Variants in SEMA3C observed in about 807,000 individuals in gnomAD.
SEMA3C encodes semaphorin 3C, also known as semaphorin-3C.
In SEMA3C, 47 loss-of-function variants were observed where a neutral mutation model predicts 89.4. The observed-to-expected ratio is 0.53, with a 90% confidence interval of 0.42 to 0.67. SEMA3C has a LOEUF of 0.67. Ranked by LOEUF, SEMA3C falls within the 30% of genes least tolerant of loss-of-function variation. SEMA3C has a pLI of 0.00. For synonymous variants in SEMA3C, 310 were observed against 320.2 expected, an observed-to-expected ratio of 0.97 and a Z score of 0.34; for missense variants, 839 against 929.1, an observed-to-expected ratio of 0.90 and a Z score of 1.26.
At chr7:80,873,897 C>G (rs1791133743) in intron 2 of SEMA3C, among the ~76,000 whole-genome samples, 2 of 152,076 alleles carry the variant, frequency 1.3e-5, no homozygotes, top group South Asian at 4.1e-4. Context: ...CCTCTCCTAG[C>G]CTTATTTGCA....
chr7:80,758,446 A>T lies in SEMA3C; in HGVS notation c.1528T>A (p.Ser510Thr). The change falls in exon 15 of 18, where the codon TCT becomes ACT. Residue 510 changes from serine to threonine, a missense_variant. By Grantham distance (58) the Ser-to-Thr change is moderately conservative. Transcript: ENST00000265361. The part of the protein sequence containing the change: ...VSSNEGVSQV[S>T]LHRCHIYGTA... ...CCATAGATGTGGCAGCGGTGCAGAG[A>T]TACCTGGGAAACCCCTTCATTGGAA... 3.7e-6 allele frequency: 6 copies of T among 1,614,082 alleles called. No homozygotes were observed. The highest frequency in any genetic ancestry group is 5.1e-6 in the Non-Finnish European group (6 of 1,179,982).
chr7:80,764,736 A>T (rs973752921), intron 13 of SEMA3C, among the ~76,000 whole-genome samples: 15 of 152,178 alleles, frequency 9.9e-5, no homozygotes, highest in Non-Finnish European at 2.2e-4. Context: ...TTTTTCTTGA[A>T]ATTACTGGCT....
intron 4 of SEMA3C, among the ~76,000 whole-genome samples, chr7:80,822,749 CA>C (rs1464511319): frequency 6.6e-6 from 1 of 152,080 alleles, no homozygotes; most frequent in Non-Finnish European, 1.5e-5. Context: ...TTGTCATGGA[CA>C]ATATATTAAT....
chr7:80,775,368 T>C (rs1788523415), intron 12 of SEMA3C, among the ~76,000 whole-genome samples: 1 of 152,086 alleles, frequency 6.6e-6, no homozygotes, highest in Non-Finnish European at 1.5e-5. Context: ...AGAACAAAGC[T>C]GACCCATTTC....
At chr7:80,779,442 C>G (rs1788641110) in intron 12 of SEMA3C, among the ~76,000 whole-genome samples, 1 of 152,170 alleles carries the variant, frequency 6.6e-6, no homozygotes, top group Non-Finnish European at 1.5e-5. Flanking sequence ...AGTCATATAT[C>G]TACCAATCAA....
intron 12 of SEMA3C, among the ~76,000 whole-genome samples, chr7:80,771,092 A>C (rs1245232967): frequency 6.6e-6 from 1 of 152,202 alleles, no homozygotes; most frequent in Non-Finnish European, 1.5e-5. Flanking sequence ...TTTCAGTTGA[A>C]AGAGCTCTGA....
At chr7:80,905,526 A>G (rs1346185980) in intron 2 of SEMA3C, among the ~76,000 whole-genome samples, 2 of 152,090 alleles carry the variant, frequency 1.3e-5, no homozygotes, top group East Asian at 3.9e-4. Flanking sequence ...AAGAAAACAA[A>G]ATCAGCAAAA....
At chr7:80,875,323 C>T (rs891003817) in intron 2 of SEMA3C, among the ~76,000 whole-genome samples, 9 of 152,078 alleles carry the variant, frequency 5.9e-5, no homozygotes, top group Non-Finnish European at 1.0e-4. Context: ...GTTCTCCCTA[C>T]TAAAGGGCAT....
intron 2 of SEMA3C, 149 bp downstream of exon 2, chr7:80,916,530 A>C (rs991149251): frequency 1.7e-6 from 1 of 595,544 alleles, no homozygotes; most frequent in East Asian, 3.1e-5. Context: ...AATCATTTAA[A>C]ATAGCTATTG....
At chr7:80,844,620 T>C (rs900991723) in intron 2 of SEMA3C, among the ~76,000 whole-genome samples, 7 of 152,264 alleles carry the variant, frequency 4.6e-5, no homozygotes, top group Middle Eastern at 3.4e-3. Flanking sequence ...TCAGAAAATA[T>C]TGACTGTGAT....
At chr7:80,801,730 T>TC (rs1789212898) in intron 9 of SEMA3C, among the ~76,000 whole-genome samples, 1 of 146,748 alleles carries the variant, frequency 6.8e-6, no homozygotes, top group Non-Finnish European at 1.5e-5. Context: ...TAGCTCTCCC[T>TC]AAAAAAAAAA....
chr7:80,920,367 T>G (rs182753623), upstream of SEMA3C, among the ~76,000 whole-genome samples: 570 of 152,310 alleles, frequency 3.7e-3, 6 homozygotes, highest in African/African-American at 0.013. Flanking sequence ...ATCTCCACCT[T>G]ATACCTGACA....
At chr7:80,862,945 A>G (rs971479202) in intron 2 of SEMA3C, among the ~76,000 whole-genome samples, 4 of 152,344 alleles carry the variant, frequency 2.6e-5, no homozygotes, top group Non-Finnish European at 5.9e-5. Flanking sequence ...AATCTACTCA[A>G]GATGGATTAA....
In SEMA3C at chr7:80,905,080, G is replaced by A. The variant is rs888537221; in HGVS notation, c.103+11599C>T. Among the ~76,000 whole-genome samples the A allele has an allele frequency of 2.7e-5, 4 of 150,798 alleles. No homozygotes were observed. In the East Asian group the frequency reaches 5.9e-4, roughly 22 times the overall value. ...CTTTTGAACTCTGGGTATGAAATCT[G>A]TCAAGAAAGACATTTCTTGAGGTAA... On this transcript the variant is annotated intron_variant, in intron 2 of 17. Transcript: ENST00000265361.
At chr7:80,784,018 A>G (rs1266901156) in intron 12 of SEMA3C, among the ~76,000 whole-genome samples, 1 of 152,190 alleles carries the variant, frequency 6.6e-6, no homozygotes, top group Non-Finnish European at 1.5e-5. Flanking sequence ...CTTTCATCAA[A>G]AACCACGTCA....
At chr7:80,871,120 C>A (rs1194613229) in intron 2 of SEMA3C, among the ~76,000 whole-genome samples, 2 of 152,126 alleles carry the variant, frequency 1.3e-5, no homozygotes, top group Non-Finnish European at 2.9e-5. Flanking sequence ...ATTGATGTGA[C>A]CTCATTCATT....
intron 15 of SEMA3C, among the ~76,000 whole-genome samples, 193 bp downstream of exon 15, chr7:80,758,138 A>C (rs966537721): frequency 2.0e-5 from 3 of 152,196 alleles, no homozygotes; most frequent in Non-Finnish European, 2.9e-5. Context: ...TGGATTTACC[A>C]TATCTGTGAG....
chr7:80,882,209 C>A lies in SEMA3C; in HGVS notation c.103+34470G>T, dbSNP rs1311601066. 1.3e-5 allele frequency among the ~76,000 whole-genome samples: 2 copies of A among 152,044 alleles called. 1 individual carries two copies. Among genetic ancestry groups the A allele is most frequent in the Non-Finnish European group, 2.9e-5 (2 of 67,990 alleles). ...GCCACTGACTCAATACTGTGTGGAT[C>A]AGACCACTAAAATGCCTCCACACAA... On this transcript the variant is annotated intron_variant, in intron 2 of 17. Transcript: ENST00000265361.
chr7:80,748,927 A>G lies in SEMA3C; in HGVS notation c.1813T>C (p.Leu605=). The change falls in exon 17 of 18, where the codon TTA becomes CTA. Residue 605 remains leucine, a synonymous_variant. Coordinates refer to ENST00000265361, the MANE Select transcript of SEMA3C (RefSeq NM_006379.5). ...TTCCTCCTGTCTTTGTCTTTCTGTA[A>G]CAGCCACTTGATAGATGCCTGCGGA... ...KSPQASIKWL[L]QKDKDRRKEV... is the part of the protein sequence containing the mutation. 6.2e-7 allele frequency: 1 copy of G among 1,612,380 alleles called. No individual in the cohort carries two copies. The highest frequency in any genetic ancestry group is 8.5e-7 in the Non-Finnish European group (1 of 1,179,440).
Sources: allele counts gnomAD v4.1 joint callset (sites outside exome capture counted in the v4.1 genomes callset), GRCh38; gene constraint gnomAD v4.1.1; transcripts MANE v1.5; gene names NCBI Gene and HGNC (gene_info 2026-07-23, HGNC 2026-07-21).